Variants in TMC2 observed in about 807,000 individuals in gnomAD.
TMC2 encodes the protein transmembrane channel like 2.
A neutral mutation model predicts 105.9 loss-of-function variants in TMC2; 102 were observed. The ratio of observed to expected loss-of-function variants is 0.96; its 90% CI spans 0.82 to 1.14. TMC2 has a LOEUF of 1.14. Among genes scored for constraint, TMC2 ranks in the 50% most tolerant of loss-of-function variants. TMC2 has a pLI of 0.00. For missense variants in TMC2, 1,093 were observed against 1,134.3 expected (o/e 0.96, Z 0.52); for synonymous variants, 402 against 422.8 (o/e 0.95, Z 0.60).
At position 2,561,940 on chromosome 20, in the gene TMC2, GA is replaced by G. The variant is rs775134383; in HGVS notation, c.491del (p.Lys164ArgfsTer18). ...ELAQILEQVE[E>X]KKKLIATMRS... The stretch of plus-strand genomic sequence containing the variant: ...GGCCCAGATCCTGGAGCAGGTGGAA[GA>G]AAAAAAGAAGCTCATTGCCACCATG... On this transcript the variant is annotated frameshift_variant, in exon 4 of 20. Transcript: ENST00000358864. LOFTEE classifies it high-confidence loss of function. The G allele has an allele frequency of 6.2e-7, 1 of 1,614,182 alleles. No homozygotes were observed. The highest frequency in any genetic ancestry group is 1.1e-5 in the South Asian group (1 of 91,086).
intron 2 of TMC2, among the ~76,000 whole-genome samples, chr20:2,540,888 C>T (rs569274094): frequency 6.6e-6 from 1 of 152,214 alleles, no homozygotes; most frequent in Admixed American, 6.5e-5. Context: ...TTATCACACC[C>T]TTACCCTCCA....
At chr20:2,540,656 CAAA>C (rs10657326) in intron 2 of TMC2, among the ~76,000 whole-genome samples, 4 of 108,432 alleles carry the variant, frequency 3.7e-5, no homozygotes, top group Admixed American at 9.7e-5. Flanking sequence ...GAGGGACTCT[CAAA>C]AAAAAAAAAA....
chr20:2,597,790 G>A (rs2086319663), intron 10 of TMC2, among the ~76,000 whole-genome samples: 2 of 151,918 alleles, frequency 1.3e-5, no homozygotes, highest in South Asian at 2.1e-4. Flanking sequence ...GAGCCACCAC[G>A]CCCAGCCTGT....
intron 16 of TMC2, chr20:2,617,779 C>T (rs1401614820): frequency 6.1e-6 from 1 of 163,302 alleles, no homozygotes; most frequent in Non-Finnish European, 1.3e-5. Flanking sequence ...GGTGCCATCT[C>T]AGCTTACTGC....
intron 18 of TMC2, 82 bp downstream of exon 18, chr20:2,636,086 C>A: frequency 8.5e-7 from 1 of 1,180,640 alleles, no homozygotes. Flanking sequence ...GTGAGCCCAG[C>A]TGTGTTATCT....
intron 10 of TMC2, among the ~76,000 whole-genome samples, chr20:2,600,276 G>T (rs563353113): frequency 6.6e-6 from 1 of 152,316 alleles, no homozygotes; most frequent in South Asian, 2.1e-4. Context: ...AGACTTTGGG[G>T]TCTGGGAGAG....
chr20:2,612,732 G>A (rs978856535), intron 13 of TMC2, among the ~76,000 whole-genome samples: 6 of 152,098 alleles, frequency 3.9e-5, no homozygotes, highest in Admixed American at 3.9e-4. Context: ...AATCTGACTA[G>A]CAGAAGATGA....
chr20:2,638,502 TAGTTAAC>T (rs968563215), intron 19 of TMC2, among the ~76,000 whole-genome samples: 3 of 152,208 alleles, frequency 2.0e-5, no homozygotes, highest in African/African-American at 7.2e-5. Flanking sequence ...ATATAAAAAA[TAGTTAAC>T]TGTAAAACAG....
rs141680917 is a variant in TMC2 at position 2,592,322 on chromosome 20, A to C, written c.847A>C (p.Met283Leu). Residue 283 changes from methionine to leucine, a missense_variant, in exon 8 of 20, where the codon ATG becomes CTG. Coordinates refer to ENST00000358864, the MANE Select transcript of TMC2 (RefSeq NM_080751.3). This position sits in a 1 kb window ranked among gnomAD's most constrained non-coding sequence, Gnocchi z 4.9. Reference protein sequence around the residue: ...LVIIPEVLMGMPYGSIPRKTV... With the variant: ...LVIIPEVLMGLPYGSIPRKTV... ...GTTTCTGCACAAGGTACTGATGGGC[A>C]TGCCCTATGGGAGTATTCCCAGAAA... is the stretch of plus-strand genomic sequence containing the variant. 16 of 1,613,034 alleles carry C rather than the reference A, an allele frequency of 9.9e-6. No individual in the cohort carries two copies. The South Asian group carries it at 1.5e-4, about 16-fold the overall frequency.
At chr20:2,588,819 T>C (rs2086248562) in intron 7 of TMC2, among the ~76,000 whole-genome samples, 1 of 152,088 alleles carries the variant, frequency 6.6e-6, no homozygotes. Context: ...GTCTGGACTT[T>C]TTTAACCCTG....
intron 7 of TMC2, among the ~76,000 whole-genome samples, chr20:2,581,127 C>T (rs879489011): frequency 6.6e-6 from 1 of 152,066 alleles, no homozygotes; most frequent in Non-Finnish European, 1.5e-5. Flanking sequence ...GTTCTGTGAG[C>T]ATATTGGAGT....
chr20:2,558,845 C>G lies in TMC2; in HGVS notation c.401+71C>G. 1 of 1,421,100 alleles carries G rather than the reference C, an allele frequency of 7.0e-7. No individual in the cohort carries two copies. The highest frequency in any genetic ancestry group is 9.4e-7 in the Non-Finnish European group (1 of 1,069,024). The allele number at this position is 1,421,100 out of a possible 1,614,324, so 88.0% of individuals were successfully genotyped here. On this transcript the variant is annotated intron_variant, in intron 3 of 19. Coordinates refer to ENST00000358864, the MANE Select transcript of TMC2 (RefSeq NM_080751.3). This position sits in a 1 kb window ranked among gnomAD's most constrained non-coding sequence, Gnocchi z 4.6. ...CTCCTTCGCGGCCCTTCCCCTTCCC[C>G]CGTGAGGGACTGATGCCCCCCTCCC...
rs571855885 is a variant in TMC2, at chr20:2,536,641, G to A, written c.20G>A (p.Gly7Asp). 2.5e-6 allele frequency: 4 copies of A among 1,575,680 alleles called. No homozygotes were observed. The East Asian group carries it at 9.2e-5, about 36-fold the overall frequency. Reference protein sequence around the residue: MSHQVKGLKEEARGGVK... With the variant: MSHQVKDLKEEARGGVK... ...CTGACCATGAGCCACCAGGTAAAGG[G>A]CCTGAAAGAGGAAGGTGAGTCCACG... Residue 7 changes from glycine to aspartate, a missense_variant, in exon 1 of 20, where the codon GGC (glycine) becomes GAC (aspartate). By Grantham distance (94) the Gly-to-Asp change is moderately conservative. Coordinates refer to ENST00000358864, the MANE Select transcript of TMC2 (RefSeq NM_080751.3).
At chr20:2,544,843 T>C (rs2122799060) in intron 2 of TMC2, among the ~76,000 whole-genome samples, 1 of 152,258 alleles carries the variant, frequency 6.6e-6, no homozygotes, top group East Asian at 1.9e-4. Context: ...GAAGATCACA[T>C]GAGGCCAGGA....
At chr20:2,593,138 G>A (rs923277100) in intron 8 of TMC2, among the ~76,000 whole-genome samples, 8 of 152,116 alleles carry the variant, frequency 5.3e-5, no homozygotes, top group South Asian at 2.1e-4. Flanking sequence ...GGGAAGCAAG[G>A]CACTTCTTAC....
At chr20:2,568,953 G>A (rs1274817031) in intron 4 of TMC2, among the ~76,000 whole-genome samples, 1 of 152,148 alleles carries the variant, frequency 6.6e-6, no homozygotes, top group East Asian at 1.9e-4. Flanking sequence ...AGGAACAGTG[G>A]GGTAGGCATT....
intron 7 of TMC2, among the ~76,000 whole-genome samples, chr20:2,591,737 GAAGAAAAGAA>G (rs556667169): frequency 1.4e-4 from 22 of 151,906 alleles, no homozygotes; most frequent in South Asian, 1.2e-3. Flanking sequence ...AGAGAAAAGA[GAAGAAAAGAA>G]AAGAAAAGAA....
chr20:2,541,654 A>C (rs908603730), intron 2 of TMC2, among the ~76,000 whole-genome samples: 1 of 151,924 alleles, frequency 6.6e-6, no homozygotes, highest in African/African-American at 2.4e-5. Context: ...ACCAAAAAAA[A>C]AAAAAGAAAG....
Position 2,643,577 on chromosome 20 carries a change from T to C in TMC2, c.*2226T>C, listed in dbSNP as rs1178822754. Among the ~76,000 whole-genome samples, 1 of 152,214 alleles carries C rather than the reference T, an allele frequency of 6.6e-6. No individual in the cohort carries two copies. Among genetic ancestry groups the C allele is most frequent in the Non-Finnish European group, 1.5e-5 (1 of 68,044 alleles). On this transcript the variant is annotated 3_prime_UTR_variant, in exon 20 of 20. Coordinates refer to ENST00000358864, the MANE Select transcript of TMC2 (RefSeq NM_080751.3). Reference sequence around the variant, plus strand: ...AAAACAATAAACAATTATGTATTATTGTATGTAGTTTCTGTTCTGTGGGTT... The same window carrying C: ...AAAACAATAAACAATTATGTATTATCGTATGTAGTTTCTGTTCTGTGGGTT...
Sources: allele counts gnomAD v4.1 joint callset (sites outside exome capture counted in the v4.1 genomes callset), GRCh38; gene constraint gnomAD v4.1.1; non-coding constraint Gnocchi (gnomAD v3.1); transcripts MANE v1.5; gene names NCBI Gene and HGNC (gene_info 2026-07-23, HGNC 2026-07-21).